Variants in SETBP1 observed in about 807,000 individuals in gnomAD.
SETBP1 encodes the protein SET binding protein 1.
Under a neutral mutation model 101.0 loss-of-function variants are expected in SETBP1, and 9 were observed. The ratio of observed to expected loss-of-function variants is 0.09; its 90% CI spans 0.05 to 0.16. The LOEUF is 0.16. SETBP1 is among the 10% of genes least tolerant of loss of function. The probability of loss-of-function intolerance (pLI) is 1.00; values close to 1 mark genes in which losing one functional copy is unlikely to be tolerated. For synonymous variants in SETBP1, 818 were observed against 788.5 expected (o/e 1.04, Z -0.63); for missense variants, 1,858 against 2,033.8 (o/e 0.91, Z 1.66).
chr18:45,028,176 A>C (rs2073210341), intron 4 of SETBP1, among the ~76,000 whole-genome samples: 2 of 93,586 alleles, frequency 2.1e-5, no homozygotes, highest in South Asian at 4.3e-4. Context: ...CCACCCCACA[A>C]CAGTCCCCAG....
intron 3 of SETBP1, among the ~76,000 whole-genome samples, chr18:44,929,842 T>C (rs924412429): frequency 2.0e-5 from 3 of 152,136 alleles, no homozygotes; most frequent in Non-Finnish European, 4.4e-5. Flanking sequence ...TGGGCTGAGA[T>C]GATGGGGTTT....
At chr18:44,702,285 C>A (rs1286320003) in intron 2 of SETBP1, among the ~76,000 whole-genome samples, 1 of 152,108 alleles carries the variant, frequency 6.6e-6, no homozygotes, top group African/African-American at 2.4e-5. Flanking sequence ...TCAGGGGTGG[C>A]AGAGGCAGAA....
rs938389492 is a variant in SETBP1 at position 44,877,983 on chromosome 18, C to G, written c.540+8700C>G. Among the ~76,000 whole-genome samples the G allele has an allele frequency of 2.0e-5, 3 of 152,116 alleles. No individual in the cohort carries two copies. The East Asian group carries it at 5.8e-4, about 29-fold the overall frequency. On this transcript the variant is annotated intron_variant, in intron 3 of 5. Transcript: ENST00000649279. ...CAGGTGGGCCTGACTTAAAACAAAC[C>G]TAATGTGCAGAAGGTCACGTGTGAG...
intron 2 of SETBP1, among the ~76,000 whole-genome samples, chr18:44,768,980 G>C (rs1328869190): frequency 6.6e-6 from 1 of 152,230 alleles, no homozygotes; most frequent in African/African-American, 2.4e-5. Flanking sequence ...TAACATACCT[G>C]CTTGTGGTTT....
intron 2 of SETBP1, among the ~76,000 whole-genome samples, chr18:44,838,699 G>T (rs548707670): frequency 1.5e-4 from 23 of 152,198 alleles, no homozygotes; most frequent in Non-Finnish European, 2.8e-4. Context: ...GGGGTATGGG[G>T]TGGGCTGGAT....
intron 4 of SETBP1, among the ~76,000 whole-genome samples, chr18:45,012,203 G>A (rs1301722549): frequency 6.6e-6 from 1 of 152,192 alleles, no homozygotes; most frequent in Non-Finnish European, 1.5e-5. Context: ...CTGGGAACAG[G>A]AGGCATGGCA....
At chr18:44,931,721 G>T (rs1281005909) in intron 3 of SETBP1, among the ~76,000 whole-genome samples, 1 of 152,034 alleles carries the variant, frequency 6.6e-6, no homozygotes, top group African/African-American at 2.4e-5. Flanking sequence ...TTTGATCTTT[G>T]TTGGTTTAAA....
chr18:44,939,195 A>G (rs2071030952), intron 3 of SETBP1, among the ~76,000 whole-genome samples: 1 of 152,130 alleles, frequency 6.6e-6, no homozygotes, highest in African/African-American at 2.4e-5. Flanking sequence ...AAGTACATCC[A>G]TAACTCACTG....
intron 2 of SETBP1, among the ~76,000 whole-genome samples, chr18:44,742,942 C>G (rs1024906383): frequency 2.0e-5 from 3 of 150,210 alleles, no homozygotes; most frequent in Non-Finnish European, 4.4e-5. Context: ...TCTGGCTCTC[C>G]CTCCTTCTCT....
At chr18:44,746,013 G>A (rs1408302961) in intron 2 of SETBP1, among the ~76,000 whole-genome samples, 10 of 152,156 alleles carry the variant, frequency 6.6e-5, no homozygotes, top group Non-Finnish European at 1.3e-4. Flanking sequence ...TTGGGGCAGG[G>A]AGATGTGGTC....
intron 4 of SETBP1, among the ~76,000 whole-genome samples, chr18:44,975,099 T>C (rs1197106897): frequency 2.0e-5 from 3 of 152,160 alleles, no homozygotes; most frequent in Non-Finnish European, 4.4e-5. Flanking sequence ...AAAGATATGA[T>C]TAGAAATTTT....
At chr18:44,849,695 G>GC (rs2072807120) in intron 2 of SETBP1, among the ~76,000 whole-genome samples, 1 of 147,108 alleles carries the variant, frequency 6.8e-6, no homozygotes, top group Non-Finnish European at 1.5e-5. Flanking sequence ...AGAGAGAGAG[G>GC]AGTTCAGCTC....
chr18:44,764,434 C>G (rs1369046899), intron 2 of SETBP1, among the ~76,000 whole-genome samples: 1 of 152,006 alleles, frequency 6.6e-6, no homozygotes, highest in Non-Finnish European at 1.5e-5. Context: ...CCTCCTTCTT[C>G]TTCTTCTTCC....
intron 3 of SETBP1, chr18:44,870,663 AC>A (rs1400546621): frequency 2.6e-5 from 4 of 151,986 alleles, no homozygotes; most frequent in African/African-American, 7.3e-5. Flanking sequence ...TACCCCACCC[AC>A]CTCCACACCT....
chr18:44,701,392 G>C lies in SETBP1; in HGVS notation c.46G>C (p.Glu16Gln). The change falls in exon 2 of 6, where the codon GAG becomes CAG. Residue 16 changes from glutamate (E) to glutamine (Q), a missense_variant. Coordinates refer to ENST00000649279, the MANE Select transcript of SETBP1 (RefSeq NM_015559.3). ...TLSSSRQRGG[E>Q]SDFLPVSSAK... ...AAGCAGCTCCCGGCAAAGAGGGGGC[G>C]AGTCAGACTTCCTGCCGGTCTCCTC... The C allele has an allele frequency of 6.4e-7, 1 of 1,554,736 alleles. No homozygotes were observed. The highest frequency in any genetic ancestry group is 8.7e-7 in the Non-Finnish European group (1 of 1,147,824).
intron 2 of SETBP1, among the ~76,000 whole-genome samples, chr18:44,857,097 C>T (rs924958563): frequency 3.3e-5 from 5 of 152,148 alleles, no homozygotes; most frequent in Non-Finnish European, 4.4e-5. Context: ...GTATAATTGA[C>T]GAATACTGGG....
intron 2 of SETBP1, among the ~76,000 whole-genome samples, chr18:44,767,820 G>A (rs935788719): frequency 2.6e-5 from 4 of 152,184 alleles, no homozygotes; most frequent in African/African-American, 9.7e-5. Flanking sequence ...GTTTCATAGA[G>A]TCTTTCTCAA....
chr18:44,932,770 G>A (rs971522359), intron 3 of SETBP1, among the ~76,000 whole-genome samples: 1 of 151,996 alleles, frequency 6.6e-6, no homozygotes, highest in African/African-American at 2.4e-5. Flanking sequence ...CGTAGTTCTC[G>A]TGCCATGGTC....
At chr18:44,811,945 A>T (rs1336114578) in intron 2 of SETBP1, among the ~76,000 whole-genome samples, 3 of 152,224 alleles carry the variant, frequency 2.0e-5, no homozygotes. Flanking sequence ...AGGACAGCTG[A>T]TTCACCAGAG....
Sources: gnomAD v4.1 joint callset for allele counts (sites outside exome capture counted in the v4.1 genomes callset) on GRCh38, gnomAD v4.1.1 for gene constraint, MANE v1.5 for transcripts, NCBI Gene and HGNC (gene_info 2026-07-23, HGNC 2026-07-21) for gene names.